Variants in MARCHF6 observed in about 807,000 individuals in gnomAD.
MARCHF6 encodes the protein membrane associated ring-CH-type finger 6, also known as E3 ubiquitin-protein ligase MARCHF6.
Under a neutral mutation model 133.7 loss-of-function variants are expected in MARCHF6, and 31 were observed. That is an observed-to-expected ratio of 0.23 (90% CI 0.17 to 0.31). The LOEUF is 0.31. Ranked by LOEUF, MARCHF6 falls within the 10% of genes least tolerant of loss-of-function variation. MARCHF6 has a pLI of 1.00. For synonymous variants in MARCHF6, 395 were observed against 402.5 expected, an observed-to-expected ratio of 0.98 and a Z score of 0.22; for missense variants, 723 against 1,121.6, an observed-to-expected ratio of 0.64 and a Z score of 5.08.
Position 10,438,259 on chromosome 5 carries a change from G to C in MARCHF6, c.*4575G>C, listed in dbSNP as rs1740722826. 1 of 152,200 alleles carries C rather than the reference G, an allele frequency of 6.6e-6. No individual in the cohort carries two copies. Among genetic ancestry groups the C allele is most frequent in the Non-Finnish European group, 1.5e-5 (1 of 68,034 alleles). The allele number at this position is 152,200 out of a possible 1,614,324, so 9.4% of individuals were successfully genotyped here. On this transcript the variant is annotated 3_prime_UTR_variant, in exon 26 of 26. Transcript: ENST00000274140. ...TGTCCCAGATAAAAAGGAAAGACTTGCGTGATGTTTTTTTCCTTCTGAGTG... is the reference window on the plus strand; with the variant it reads ...TGTCCCAGATAAAAAGGAAAGACTTCCGTGATGTTTTTTTCCTTCTGAGTG...
At chr5:10,433,470 G>T (rs1196511843) in intron 25 of MARCHF6, 124 bp from the exon 26 acceptor site, 2 of 697,382 alleles carry the variant, frequency 2.9e-6, no homozygotes, top group East Asian at 2.7e-5. Flanking sequence ...TGTTCACTCG[G>T]GACTCCCTTT....
At chr5:10,428,700 T>C (rs1408360269) in intron 24 of MARCHF6, among the ~76,000 whole-genome samples, 1 of 152,188 alleles carries the variant, frequency 6.6e-6, no homozygotes, top group Non-Finnish European at 1.5e-5. Context: ...TTTAGAACAA[T>C]CTCTTTACTG....
chr5:10,367,926 C>A (rs1355943155), intron 1 of MARCHF6, among the ~76,000 whole-genome samples: 1 of 152,140 alleles, frequency 6.6e-6, no homozygotes, highest in African/African-American at 2.4e-5. Context: ...AGAGCTTTGC[C>A]ATATTGTTTC....
intron 25 of MARCHF6, among the ~76,000 whole-genome samples, chr5:10,430,518 A>G (rs951376327): frequency 6.6e-6 from 1 of 151,934 alleles, no homozygotes; most frequent in Non-Finnish European, 1.5e-5. Flanking sequence ...GTTGGCTAGG[A>G]TTGTGTCGAT....
chr5:10,372,897 G>C (rs1468837315), intron 1 of MARCHF6, among the ~76,000 whole-genome samples: 1 of 151,978 alleles, frequency 6.6e-6, no homozygotes, highest in Non-Finnish European at 1.5e-5. Context: ...GACAATAAGT[G>C]AAAAAGAAGT....
intron 15 of MARCHF6, among the ~76,000 whole-genome samples, chr5:10,404,732 G>C (rs1193930397): frequency 6.6e-6 from 1 of 152,170 alleles, no homozygotes; most frequent in Non-Finnish European, 1.5e-5. Context: ...TGAAAGATTT[G>C]AGGAAGAGGA....
At chr5:10,389,482 AC>A (rs113816514) in intron 5 of MARCHF6, among the ~76,000 whole-genome samples, 7,992 of 151,014 alleles carry the variant, frequency 0.053, 713 homozygotes, top group African/African-American at 0.18. Flanking sequence ...GCTTACTGCA[AC>A]CCCCCGCCTC....
At position 10,410,211 on chromosome 5, in the gene MARCHF6, G is replaced by A. The variant is rs766748530; in HGVS notation, c.1626G>A (p.Gln542=). ...TTGTCTTGCCAGCATTACTCGAACA[G>A]GGACACACGAGGCAGTGGCTGAAGG... is the stretch of plus-strand genomic sequence containing the variant. ...LQVVLPALLE[Q]GHTRQWLKGL... Residue 542 remains glutamine, a synonymous_variant, in exon 18 of 26, where the codon CAG becomes CAA. Transcript: ENST00000274140. 15 of 1,613,904 alleles carry A rather than the reference G, an allele frequency of 9.3e-6. No individual in the cohort carries two copies. The highest frequency in any genetic ancestry group is 1.3e-5 in the Non-Finnish European group (15 of 1,180,028).
chr5:10,358,766 A>C (rs760994612), intron 1 of MARCHF6, among the ~76,000 whole-genome samples: 1 of 152,194 alleles, frequency 6.6e-6, no homozygotes, highest in Admixed American at 6.5e-5. Context: ...TTAAAAAGTT[A>C]TGTCATTAAT....
intron 25 of MARCHF6, among the ~76,000 whole-genome samples, chr5:10,431,934 A>G (rs1356213714): frequency 2.6e-5 from 4 of 152,224 alleles, no homozygotes; most frequent in African/African-American, 9.7e-5. Flanking sequence ...AATATTTACA[A>G]AATTCTCAAA....
chr5:10,360,272 C>A (rs189932831), intron 1 of MARCHF6, among the ~76,000 whole-genome samples: 87 of 150,258 alleles, frequency 5.8e-4, no homozygotes, highest in Middle Eastern at 3.4e-3. Context: ...GCCTCAGCCT[C>A]CCGAGTAGCT....
chr5:10,370,676 A>AT lies in MARCHF6; in HGVS notation c.20-7112dup, dbSNP rs554361999. On this transcript the variant is annotated intron_variant, in intron 1 of 25. Transcript: ENST00000274140. ...TTTTAACTAACCCAGCACAAAGCTG[A>AT]TTTTTTTTTTAGTTTTCTTACTGTT... 7.9e-3 allele frequency among the ~76,000 whole-genome samples: 1,179 copies of AT among 149,224 alleles called. 13 individuals carry two copies. The highest frequency in any genetic ancestry group is 0.025 in the African/African-American group (1,029 of 40,770).
chr5:10,377,319 T>C (rs1736849876), intron 1 of MARCHF6, among the ~76,000 whole-genome samples: 1 of 152,148 alleles, frequency 6.6e-6, no homozygotes, highest in Admixed American at 6.5e-5. Context: ...TACCTTGCAC[T>C]CTTGTGGGGT....
chr5:10,403,126 G>C (rs1015210091), intron 14 of MARCHF6, among the ~76,000 whole-genome samples: 5 of 152,092 alleles, frequency 3.3e-5, no homozygotes, highest in Admixed American at 6.6e-5. Context: ...CAAGAATGCA[G>C]ACCTATAACC....
intron 2 of MARCHF6, 37 bp downstream of exon 2, chr5:10,377,931 C>A: frequency 7.7e-7 from 1 of 1,299,864 alleles, no homozygotes; most frequent in Non-Finnish European, 1.1e-6. Flanking sequence ...TAAGTCTGAG[C>A]TTCAGTTTCG....
At chr5:10,406,963 G>A (rs1738935510) in intron 16 of MARCHF6, 139 bp from the exon 17 acceptor site, 1 of 484,750 alleles carries the variant, frequency 2.1e-6, no homozygotes, top group African/African-American at 2.0e-5. Context: ...CAAAGATAAT[G>A]TGTAGAGTGG....
chr5:10,417,132 A>G, intron 21 of MARCHF6, 138 bp from the exon 22 acceptor site: 6 of 960,190 alleles, frequency 6.2e-6, no homozygotes, highest in Non-Finnish European at 7.7e-6. Flanking sequence ...GATTTTCTGG[A>G]TCCTAAAACC....
intron 24 of MARCHF6, among the ~76,000 whole-genome samples, chr5:10,428,796 T>A (rs188965999): frequency 1.3e-5 from 2 of 152,354 alleles, no homozygotes; most frequent in East Asian, 3.9e-4. Context: ...TATATAGACT[T>A]AAGAATTTGG....
Position 10,394,113 on chromosome 5 carries a change from C to A in MARCHF6, c.798C>A (p.Asp266Glu). ...DDMNWNALEWDRAAEELTWER... is the reference protein window; with the variant it reads ...DDMNWNALEWERAAEELTWER... ...TGAATTGGAATGCTTTAGAATGGGA[C>A]CGAGCTGCTGAAGAGCTTACATGGG... The change falls in exon 8 of 26, where the codon GAC becomes GAA. Residue 266 changes from aspartate (D) to glutamate (E), a missense_variant. Transcript: ENST00000274140. 1 of 1,572,410 alleles carries A rather than the reference C, an allele frequency of 6.4e-7. No individual in the cohort carries two copies. Among genetic ancestry groups the A allele is most frequent in the Non-Finnish European group, 8.6e-7 (1 of 1,157,688 alleles).
Sources: gnomAD v4.1 joint callset for allele counts (sites outside exome capture counted in the v4.1 genomes callset) on GRCh38, gnomAD v4.1.1 for gene constraint, MANE v1.5 for transcripts, NCBI Gene and HGNC (gene_info 2026-07-23, HGNC 2026-07-21) for gene names.